Variants in FAM114A1 observed in about 807,000 individuals in gnomAD.
FAM114A1 encodes the protein protein NOXP20.
FAM114A1 carries 62 observed loss-of-function variants against 64.3 expected under a neutral mutation model. That is an observed-to-expected ratio of 0.96 (90% CI 0.79 to 1.19). The LOEUF (loss-of-function observed/expected upper bound fraction) is 1.19. FAM114A1 is among the 50% of genes most tolerant of loss of function. The pLI is 0.00. For missense variants in FAM114A1, 645 were observed against 676.3 expected (o/e 0.95, Z 0.51); for synonymous variants, 254 against 251.1 (o/e 1.01, Z -0.11).
At position 38,922,786 on chromosome 4, in the gene FAM114A1, C is replaced by T. The variant is rs1719730016; in HGVS notation, c.962C>T (p.Ala321Val). 6.2e-7 allele frequency: 1 copy of T among 1,609,932 alleles called. No individual in the cohort carries two copies. The highest frequency in any genetic ancestry group is 1.1e-5 in the South Asian group (1 of 89,784). Reference sequence around the variant, plus strand: ...TTTTTTCAGGTTCAGTCATTTTTAGCATCACTTGATGGAGAGAAGCTGGAA... The same window carrying T: ...TTTTTTCAGGTTCAGTCATTTTTAGTATCACTTGATGGAGAGAAGCTGGAA... ...ESESKVQSFL[A>V]SLDGEKLELL... Residue 321 changes from alanine (A) to valine (V), a missense_variant, in exon 9 of 15, where the codon GCA becomes GTA. By Grantham distance (64) the Ala-to-Val change is moderately conservative. Coordinates refer to ENST00000358869, the MANE Select transcript of FAM114A1 (RefSeq NM_138389.4).
intron 4 of FAM114A1, among the ~76,000 whole-genome samples, chr4:38,899,719 C>T (rs1469658543): frequency 2.6e-5 from 4 of 152,166 alleles, no homozygotes; most frequent in Admixed American, 2.6e-4. Flanking sequence ...ACTCCTATAT[C>T]AGAGCAAATA....
At chr4:38,879,086 AC>A (rs1334050507) in intron 3 of FAM114A1, among the ~76,000 whole-genome samples, 1 of 152,120 alleles carries the variant, frequency 6.6e-6, no homozygotes, top group Non-Finnish European at 1.5e-5. Context: ...CACCTGGGCC[AC>A]CAAGAAGACT....
At chr4:38,891,201 C>T (rs1387452029) in intron 3 of FAM114A1, among the ~76,000 whole-genome samples, 3 of 152,200 alleles carry the variant, frequency 2.0e-5, no homozygotes, top group Non-Finnish European at 4.4e-5. Flanking sequence ...CACCTTGAAT[C>T]AAAGGTTTCT....
At chr4:38,937,151 C>A (rs944849353) in intron 13 of FAM114A1, among the ~76,000 whole-genome samples, 27 of 152,264 alleles carry the variant, frequency 1.8e-4, no homozygotes, top group African/African-American at 6.5e-4. Flanking sequence ...ACTTCTTATT[C>A]TAATTAGGTT....
intron 13 of FAM114A1, among the ~76,000 whole-genome samples, chr4:38,938,312 G>T (rs1470149420): frequency 6.6e-6 from 1 of 152,130 alleles, no homozygotes; most frequent in Non-Finnish European, 1.5e-5. Context: ...CATGGTACTG[G>T]CTGTCACCCA....
chr4:38,936,456 GTA>G (rs1217173325), intron 13 of FAM114A1, among the ~76,000 whole-genome samples: 1 of 150,612 alleles, frequency 6.6e-6, no homozygotes, highest in Non-Finnish European at 1.5e-5. Flanking sequence ...TGTGATGTAT[GTA>G]CTTCAGAATC....
chr4:38,910,977 T>C (rs1006340645), intron 7 of FAM114A1, among the ~76,000 whole-genome samples: 4 of 152,142 alleles, frequency 2.6e-5, no homozygotes, highest in Non-Finnish European at 5.9e-5. Context: ...AGAATCTGAT[T>C]TGTGCTTTAA....
At chr4:38,891,246 A>G (rs1716347307) in intron 3 of FAM114A1, among the ~76,000 whole-genome samples, 1 of 152,190 alleles carries the variant, frequency 6.6e-6, no homozygotes, top group African/African-American at 2.4e-5. Flanking sequence ...CTGCCCATCC[A>G]TCGCCAGGTG....
chr4:38,943,226 A>T (rs988279822), intron 14 of FAM114A1, among the ~76,000 whole-genome samples: 1 of 151,042 alleles, frequency 6.6e-6, no homozygotes, highest in Non-Finnish European at 1.5e-5. Flanking sequence ...CATGAAAATG[A>T]TTTGCCTCAT....
At chr4:38,939,951 C>T (rs1302745949) in intron 13 of FAM114A1, among the ~76,000 whole-genome samples, 1 of 147,636 alleles carries the variant, frequency 6.8e-6, no homozygotes, top group Non-Finnish European at 1.5e-5. Context: ...TGCAATGGTG[C>T]CATCTCGGCT....
At chr4:38,939,043 A>T (rs1721355557) in intron 13 of FAM114A1, among the ~76,000 whole-genome samples, 1 of 152,240 alleles carries the variant, frequency 6.6e-6, no homozygotes, top group Non-Finnish European at 1.5e-5. Context: ...ATTCTTATTC[A>T]GTAGGTCTGG....
At chr4:38,889,823 T>C (rs1319156924) in intron 3 of FAM114A1, among the ~76,000 whole-genome samples, 2 of 152,198 alleles carry the variant, frequency 1.3e-5, no homozygotes, top group Admixed American at 6.5e-5. Flanking sequence ...GTGATTTTTT[T>C]TCTCTCACTT....
At chr4:38,929,412 T>G in intron 10 of FAM114A1, 79 bp downstream of exon 10, 2 of 1,095,384 alleles carry the variant, frequency 1.8e-6, no homozygotes, top group Non-Finnish European at 2.7e-6. Flanking sequence ...GTTCCAGAGA[T>G]GCACCTGAAA....
intron 4 of FAM114A1, among the ~76,000 whole-genome samples, chr4:38,902,074 TTAACA>T (rs929403219): frequency 3.9e-5 from 6 of 152,258 alleles, no homozygotes; most frequent in Non-Finnish European, 8.8e-5. Flanking sequence ...TAAAACTTTC[TTAACA>T]TAACATAGTG....
intron 12 of FAM114A1, among the ~76,000 whole-genome samples, chr4:38,934,865 A>C (rs1720951336): frequency 1.3e-5 from 2 of 152,080 alleles, no homozygotes; most frequent in African/African-American, 4.8e-5. Flanking sequence ...GAGACACCTG[A>C]GTTTGAATCC....
At chr4:38,901,391 G>A (rs1013410168) in intron 4 of FAM114A1, among the ~76,000 whole-genome samples, 3 of 152,096 alleles carry the variant, frequency 2.0e-5, no homozygotes, top group Non-Finnish European at 2.9e-5. Flanking sequence ...GGGTTCAAGC[G>A]ATTCTCCTGC....
chr4:38,872,689 A>G (rs1425857482), intron 2 of FAM114A1, among the ~76,000 whole-genome samples: 1 of 152,246 alleles, frequency 6.6e-6, no homozygotes, highest in African/African-American at 2.4e-5. Flanking sequence ...GGCCATGGCA[A>G]TCAAGCAAAG....
At chr4:38,923,678 C>G (rs1039471771) in intron 9 of FAM114A1, among the ~76,000 whole-genome samples, 7 of 152,234 alleles carry the variant, frequency 4.6e-5, no homozygotes, top group Admixed American at 3.9e-4. Context: ...GTGTCCTACG[C>G]TCTACCTAAA....
intron 6 of FAM114A1, among the ~76,000 whole-genome samples, chr4:38,908,015 C>T (rs1435034510): frequency 6.6e-6 from 1 of 152,152 alleles, no homozygotes; most frequent in Non-Finnish European, 1.5e-5. Flanking sequence ...ATCAACCTGT[C>T]TCATTTCATG....
Sources: allele counts gnomAD v4.1 joint callset (sites outside exome capture counted in the v4.1 genomes callset), GRCh38; gene constraint gnomAD v4.1.1; transcripts MANE v1.5; gene names NCBI Gene and HGNC (gene_info 2026-07-23, HGNC 2026-07-21).